ITGB1BP1: variants seen among roughly 807,000 people sequenced by gnomAD.
ITGB1BP1 encodes integrin beta-1-binding protein 1.
A neutral mutation model predicts 28.0 loss-of-function variants in ITGB1BP1; 20 were observed. The observed-to-expected ratio is 0.71, with a 90% CI of 0.50 to 1.04. ITGB1BP1 has a LOEUF of 1.04. ITGB1BP1 is among the 50% of genes least tolerant of loss of function. ITGB1BP1 has a pLI of 0.00. For synonymous variants in ITGB1BP1, 103 were observed against 89.5 expected (o/e 1.15, Z -0.85); for missense variants, 228 against 242.5 (o/e 0.94, Z 0.40).
intron 4 of ITGB1BP1, among the ~76,000 whole-genome samples, chr2:9,408,981 G>A (rs938842354): frequency 2.0e-5 from 3 of 152,240 alleles, no homozygotes; most frequent in Non-Finnish European, 4.4e-5. Context: ...AGGAAGCAGA[G>A]CCCACATATC....
chr2:9,418,301 C>A (rs1679391514), intron 2 of ITGB1BP1, among the ~76,000 whole-genome samples: 1 of 152,146 alleles, frequency 6.6e-6, no homozygotes, highest in African/African-American at 2.4e-5. Context: ...ACCACAAACC[C>A]TAGAATTCAA....
intron 6 of ITGB1BP1, 121 bp from the exon 7 acceptor site, chr2:9,407,026 A>T: frequency 1.3e-6 from 1 of 746,294 alleles, no homozygotes; most frequent in Non-Finnish European, 2.4e-6. Context: ...CCGACCACAC[A>T]TGCCTGCCTG....
chr2:9,407,903 G>GT, intron 5 of ITGB1BP1: 1 of 568,130 alleles, frequency 1.8e-6, no homozygotes, highest in South Asian at 2.3e-5. Context: ...GGGGTGGGGG[G>GT]GGCAGGTTGC....
At position 9,406,561 on chromosome 2, in the gene ITGB1BP1, C is replaced by T. The variant is rs4313949; in HGVS notation, c.*273G>A. On this transcript the variant is annotated 3_prime_UTR_variant, in exon 7 of 7. Coordinates refer to ENST00000355346, the MANE Select transcript of ITGB1BP1 (RefSeq NM_004763.5). ...TGTCACTGAGTGGACCTCTGTGACA[C>T]CTAGGCTTCTGTGACACTTAGGTTA... 69,644 of 329,466 alleles carry T rather than the reference C, an allele frequency of 0.21. 11,316 individuals carry two copies. Among genetic ancestry groups the T allele is most frequent in the Middle Eastern group, 0.29 (295 of 1,034 alleles). 20.4% of individuals were successfully genotyped at this position (329,466 alleles called of 1,614,324 possible).
rs1328623350 is a variant in ITGB1BP1, at chr2:9,408,470, G to A, written c.289-265C>T. The A allele has an allele frequency of 1.6e-5, 5 of 320,144 alleles. No individual in the cohort carries two copies. The East Asian group carries it at 1.9e-4, about 12-fold the overall frequency. 19.8% of individuals were successfully genotyped at this position (320,144 alleles called of 1,614,324 possible). Reference sequence around the variant, plus strand: ...TGGCATGATCTCAGCTCGTTGCAACGTCTGCCTCCTTGGTTCAAGTGAGCA... The same window carrying A: ...TGGCATGATCTCAGCTCGTTGCAACATCTGCCTCCTTGGTTCAAGTGAGCA... On this transcript the variant is annotated intron_variant, in intron 4 of 6. Transcript: ENST00000355346.
intron 5 of ITGB1BP1, 104 bp from the exon 6 acceptor site, chr2:9,407,702 A>G (rs1677720011): frequency 3.8e-6 from 5 of 1,307,768 alleles, no homozygotes; most frequent in East Asian, 2.4e-5. Flanking sequence ...CAGCATATCC[A>G]TAGGTTTCTC....
At chr2:9,421,758 G>A (rs1168340942) in intron 1 of ITGB1BP1, among the ~76,000 whole-genome samples, 2 of 151,440 alleles carry the variant, frequency 1.3e-5, no homozygotes, top group East Asian at 1.9e-4. Context: ...TGGATGCTCC[G>A]CAGGCTCATC....
Position 9,421,065 on chromosome 2 carries a change from G to A in ITGB1BP1, c.-36+2308C>T, listed in dbSNP as rs73152831. Among the ~76,000 whole-genome samples the A allele has an allele frequency of 5.1e-3, 769 of 152,236 alleles. 1 individual carries two copies. The highest frequency in any genetic ancestry group is 0.018 in the African/African-American group (732 of 41,528). On this transcript the variant is annotated intron_variant, in intron 1 of 6. Coordinates refer to ENST00000355346, the MANE Select transcript of ITGB1BP1 (RefSeq NM_004763.5). Reference sequence around the variant, plus strand: ...CAGCATAAAGTGCCATGTTAATGGCGCTCACGGGTTAAAATGTTGATGTGT... The same window carrying A: ...CAGCATAAAGTGCCATGTTAATGGCACTCACGGGTTAAAATGTTGATGTGT...
rs1049090302 is a variant in ITGB1BP1 at position 9,405,097 on chromosome 2, A to C, written c.*1737T>G. Reference sequence around the variant, plus strand: ...AGGAATAAAGTTGATTCATATCAACATTAGAACTCCAGTCCCAAACTAATC... The same window carrying C: ...AGGAATAAAGTTGATTCATATCAACCTTAGAACTCCAGTCCCAAACTAATC... On this transcript the variant is annotated 3_prime_UTR_variant, in exon 7 of 7. Transcript: ENST00000355346. The C allele has an allele frequency of 1.3e-5, 2 of 152,466 alleles. No individual in the cohort carries two copies. Among genetic ancestry groups the C allele is most frequent in the African/African-American group, 4.8e-5 (2 of 41,442 alleles). 9.4% of individuals were successfully genotyped at this position (152,466 alleles called of 1,614,324 possible). A position where few individuals can be genotyped will look rare whatever the true frequency, so the allele number is the denominator to read the frequency against.
At chr2:9,411,991 G>A (rs540496645) in intron 4 of ITGB1BP1, 29 of 286,648 alleles carry the variant, frequency 1.0e-4, no homozygotes, top group Non-Finnish European at 1.3e-4. Context: ...ACAGTGAGCC[G>A]AGATTGCACC....
At chr2:9,414,532 T>C (rs1160688617) in intron 2 of ITGB1BP1, among the ~76,000 whole-genome samples, 4 of 152,236 alleles carry the variant, frequency 2.6e-5, no homozygotes, top group Admixed American at 1.3e-4. Context: ...ATCGAAGCCA[T>C]TACCGCCACC....
chr2:9,410,005 C>A (rs1205956262), intron 4 of ITGB1BP1, among the ~76,000 whole-genome samples: 1 of 151,970 alleles, frequency 6.6e-6, no homozygotes, highest in Non-Finnish European at 1.5e-5. Flanking sequence ...CCACCACACC[C>A]AACTAATTTT....
rs1677030625 is a variant in ITGB1BP1 at position 9,404,531 on chromosome 2, A to T, written c.*2303T>A. ...GTCATACCTCTATTTAGTAATTGCG[A>T]GGGTAAGATTCATAGTAGGAATATT... On this transcript the variant is annotated 3_prime_UTR_variant, in exon 7 of 7. Transcript: ENST00000355346. The T allele has an allele frequency of 6.6e-6, 1 of 152,346 alleles. No individual in the cohort carries two copies. The highest frequency in any genetic ancestry group is 1.5e-5 in the Non-Finnish European group (1 of 68,040). 9.4% of individuals were successfully genotyped at this position (152,346 alleles called of 1,614,324 possible).
At chr2:9,412,063 A>T in intron 4 of ITGB1BP1, 2 of 454,396 alleles carry the variant, frequency 4.4e-6, no homozygotes, top group Non-Finnish European at 3.8e-6. Context: ...AAAAAAAAAA[A>T]GTACCGTGTT....
At chr2:9,414,019 G>A (rs1415136433) in intron 3 of ITGB1BP1, among the ~76,000 whole-genome samples, 159 bp downstream of exon 3, 6 of 152,080 alleles carry the variant, frequency 3.9e-5, no homozygotes, top group South Asian at 2.1e-4. Context: ...CTCAGCCCAC[G>A]TCCCGCCAAA....
intron 1 of ITGB1BP1, chr2:9,422,817 A>G (rs1680059610): frequency 1.0e-6 from 1 of 986,010 alleles, no homozygotes; most frequent in Non-Finnish European, 1.2e-6. Context: ...AGGCTGCAGG[A>G]TAACAGCCCC....
At chr2:9,414,836 C>T (rs1678910796) in intron 2 of ITGB1BP1, among the ~76,000 whole-genome samples, 1 of 152,200 alleles carries the variant, frequency 6.6e-6, no homozygotes, top group Admixed American at 6.5e-5. Flanking sequence ...ACTGGCAGGA[C>T]AGAGCAGACT....
At chr2:9,412,029 C>T (rs570574571) in intron 4 of ITGB1BP1, 35 of 395,608 alleles carry the variant, frequency 8.8e-5, no homozygotes, top group Admixed American at 3.5e-4. Context: ...GCAACAAAAG[C>T]GAAACTTGGT....
At chr2:9,418,559 C>T in intron 2 of ITGB1BP1, 67 bp downstream of exon 2, 1 of 1,065,208 alleles carries the variant, frequency 9.4e-7, no homozygotes, top group Non-Finnish European at 1.5e-6. Context: ...ATCCTCCATA[C>T]AATATCAGCT....
Sources: allele counts gnomAD v4.1 joint callset (sites outside exome capture counted in the v4.1 genomes callset), GRCh38; gene constraint gnomAD v4.1.1; transcripts MANE v1.5; gene names NCBI Gene and HGNC (gene_info 2026-07-23, HGNC 2026-07-21).